The following WRAP73 variants were observed in gnomAD, a reference collection of about 807,000 sequenced individuals.
The protein encoded by WRAP73 is WD repeat containing, antisense to TP73.
In WRAP73, 55 loss-of-function variants were observed where a neutral mutation model predicts 59.6. The observed-to-expected ratio is 0.92, with a 90% CI of 0.74 to 1.15. The LOEUF (loss-of-function observed/expected upper bound fraction) is 1.15. WRAP73 is among the 50% of genes most tolerant of loss of function. The pLI is 0.00. For missense variants in WRAP73, 592 were observed against 608.1 expected (o/e 0.97, Z 0.28); for synonymous variants, 265 against 258.2 (o/e 1.03, Z -0.25).
chr1:3,635,703 C>T, intron 6 of WRAP73: 1 of 520,596 alleles, frequency 1.9e-6, no homozygotes, highest in East Asian at 3.4e-5. Context: ...TGCTTGTGGT[C>T]CCAGCTACTT....
chr1:3,645,460 T>C lies in WRAP73; in HGVS notation c.339+1206A>G, dbSNP rs12046332. Among the ~76,000 whole-genome samples the C allele has an allele frequency of 1.3e-3, 99 of 78,582 alleles. 2 individuals are homozygous for C. Among genetic ancestry groups the C allele is most frequent in the South Asian group, 0.012 (24 of 1,976 alleles). The allele number at this position is 78,582 out of a possible 152,430, so 51.6% of individuals were successfully genotyped here. Reference sequence around the variant, plus strand: ...GCGGGTTGCCCCGTGGTGTGCGCCGTGCAGCGGGACGGGCGGGTTGCCCCG... The same window carrying C: ...GCGGGTTGCCCCGTGGTGTGCGCCGCGCAGCGGGACGGGCGGGTTGCCCCG... On this transcript the variant is annotated intron_variant, in intron 3 of 11. Coordinates refer to ENST00000270708, the MANE Select transcript of WRAP73 (RefSeq NM_017818.4).
At chr1:3,634,860 G>A (rs1644574151) in intron 8 of WRAP73, 137 bp downstream of exon 8, 2 of 1,044,384 alleles carry the variant, frequency 1.9e-6, no homozygotes, top group African/African-American at 1.6e-5. Flanking sequence ...CGCGTGAAAT[G>A]TCACAGTAGC....
At chr1:3,647,678 T>A in intron 1 of WRAP73, 118 bp from the exon 2 acceptor site, 1 of 1,130,530 alleles carries the variant, frequency 8.8e-7, no homozygotes, top group Non-Finnish European at 1.2e-6. Flanking sequence ...AGAGGTTTCA[T>A]GTCTAGATCA....
intron 3 of WRAP73, among the ~76,000 whole-genome samples, chr1:3,642,109 C>A (rs1007809957): frequency 6.6e-6 from 1 of 152,186 alleles, no homozygotes; most frequent in Non-Finnish European, 1.5e-5. Flanking sequence ...CTGGCAGAGC[C>A]GGGCGCACTG....
rs191472869 is a variant in WRAP73, at chr1:3,644,416, G to C, written c.339+2250C>G. ...GACATGGGGTCGCGCCTTCAGAAGGGGACCTAGTGGCCCCGCTAATCCTCG... is the reference window on the plus strand; with the variant it reads ...GACATGGGGTCGCGCCTTCAGAAGGCGACCTAGTGGCCCCGCTAATCCTCG... On this transcript the variant is annotated intron_variant, in intron 3 of 11. Coordinates refer to ENST00000270708, the MANE Select transcript of WRAP73 (RefSeq NM_017818.4). 1.9e-4 allele frequency among the ~76,000 whole-genome samples: 22 copies of C among 113,256 alleles called. 4 individuals carry two copies. Among genetic ancestry groups the C allele is most frequent in the African/African-American group, 7.6e-4 (21 of 27,502 alleles). 74.3% of individuals were successfully genotyped at this position (113,256 alleles called of 152,430 possible). A position where few individuals can be genotyped will look rare whatever the true frequency, so the allele number is the denominator to read the frequency against.
rs1644722751 is a variant in WRAP73 at position 3,649,710 on chromosome 1, T to C, written c.69+221A>G. ...CTGCTTGGGGCACCTCCCCGGGCCC[T>C]CCACCTGTCTAGGGTATCTTCCTGG... is the stretch of plus-strand genomic sequence containing the variant. On this transcript the variant is annotated intron_variant, in intron 1 of 11. Coordinates refer to ENST00000270708, the MANE Select transcript of WRAP73 (RefSeq NM_017818.4). Among the ~76,000 whole-genome samples, 1 of 146,428 alleles carries C rather than the reference T, an allele frequency of 6.8e-6. No homozygotes were observed. The highest frequency in any genetic ancestry group is 1.5e-5 in the Non-Finnish European group (1 of 66,462).
At chr1:3,640,834 G>C (rs572787321) in intron 3 of WRAP73, among the ~76,000 whole-genome samples, 2 of 152,322 alleles carry the variant, frequency 1.3e-5, no homozygotes, top group African/African-American at 4.8e-5. Flanking sequence ...GCAGAGACCT[G>C]CCCTCCAGAG....
intron 4 of WRAP73, among the ~76,000 whole-genome samples, chr1:3,638,241 C>A (rs975140772): frequency 6.6e-6 from 1 of 152,244 alleles, no homozygotes; most frequent in African/African-American, 2.4e-5. Context: ...GGCCACCCTG[C>A]GCCGGCCCCC....
chr1:3,648,526 A>T (rs1644711955), intron 1 of WRAP73, among the ~76,000 whole-genome samples: 1 of 152,358 alleles, frequency 6.6e-6, no homozygotes, highest in Non-Finnish European at 1.5e-5. Flanking sequence ...GTTACAGTGA[A>T]TTCCTTATGA....
At chr1:3,647,669 G>C (rs1341703032) in intron 1 of WRAP73, 109 bp from the exon 2 acceptor site, 4 of 1,223,676 alleles carry the variant, frequency 3.3e-6, no homozygotes, top group Non-Finnish European at 4.5e-6. Flanking sequence ...TCTCCTGCCA[G>C]AGGTTTCATG....
At chr1:3,638,609 G>C (rs1570301178) in intron 4 of WRAP73, 141 bp downstream of exon 4, 1 of 795,480 alleles carries the variant, frequency 1.3e-6, no homozygotes, top group Non-Finnish European at 2.1e-6. Context: ...GGAGACCTAA[G>C]GTCTCCTTTA....
In WRAP73 at chr1:3,630,839, A is replaced by C. The variant is rs1644523689; in HGVS notation, c.*136T>G. The C allele has an allele frequency of 8.6e-7, 1 of 1,168,792 alleles. No individual in the cohort carries two copies. The highest frequency in any genetic ancestry group is 2.4e-5 in the East Asian group (1 of 41,730). 72.4% of individuals were successfully genotyped at this position (1,168,792 alleles called of 1,614,324 possible). On this transcript the variant is annotated 3_prime_UTR_variant, in exon 12 of 12. Transcript: ENST00000270708. ...TTTTATACCATACATATTTACAAAA[A>C]TGCTTTGCTATAGAAAAATAGAATC...
rs536150306 is a variant in WRAP73 at position 3,646,877 on chromosome 1, G to A, written c.223-95C>T. The A allele has an allele frequency of 3.0e-5, 31 of 1,017,588 alleles. No homozygotes were observed. The highest frequency in any genetic ancestry group is 6.7e-5 in the Admixed American group (3 of 44,996). The allele number at this position is 1,017,588 out of a possible 1,614,324, so 63.0% of individuals were successfully genotyped here. A position where few individuals can be genotyped will look rare whatever the true frequency, so the allele number is the denominator to read the frequency against. Reference sequence around the variant, plus strand: ...GCTTAAACGCAGCGGAGACCCGACCGCACAGGGTGTCTTCAAACTCATCAG... The same window carrying A: ...GCTTAAACGCAGCGGAGACCCGACCACACAGGGTGTCTTCAAACTCATCAG... On this transcript the variant is annotated intron_variant, in intron 2 of 11. Coordinates refer to ENST00000270708, the MANE Select transcript of WRAP73 (RefSeq NM_017818.4). The surrounding 1 kb of genome is among the most constrained non-coding windows in gnomAD (Gnocchi z 5.1).
Position 3,645,351 on chromosome 1 carries a change from CGGGATGGG to C in WRAP73, c.339+1307_339+1314del, listed in dbSNP as rs1451441274. ...CTGCAGTGTGGTGTGAGCGGCGCAG[CGGGATGGG>C]CGGGTTGCCCCGTGGTGTGCGTGGC... is the stretch of plus-strand genomic sequence containing the variant. On this transcript the variant is annotated intron_variant, in intron 3 of 11. Transcript: ENST00000270708. Among the ~76,000 whole-genome samples, 20 of 101,298 alleles carry C rather than the reference CGGGATGGG, an allele frequency of 2.0e-4. No homozygotes were observed. The East Asian group carries it at 6.7e-3, about 34-fold the overall frequency. 66.5% of individuals were successfully genotyped at this position (101,298 alleles called of 152,430 possible). A position where few individuals can be genotyped will look rare whatever the true frequency, so the allele number is the denominator to read the frequency against.
intron 9 of WRAP73, chr1:3,632,740 G>A (rs558659662): frequency 3.1e-4 from 91 of 290,086 alleles, no homozygotes; most frequent in South Asian, 2.7e-3. Flanking sequence ...TCCGGCTGTG[G>A]AAGAACCATC....
In WRAP73 at chr1:3,631,426, A is replaced by G. The variant is rs200662952; in HGVS notation, c.1240+40T>C. The G allele has an allele frequency of 2.9e-4, 458 of 1,553,352 alleles. 1 individual carries two copies. The East Asian group carries it at 5.8e-3, about 20-fold the overall frequency. Reference sequence around the variant, plus strand: ...GCCCGTGTGATGCCAGACTGCACACAGCAAGGCTGCCACGTCCGTGGCCTC... The same window carrying G: ...GCCCGTGTGATGCCAGACTGCACACGGCAAGGCTGCCACGTCCGTGGCCTC... On this transcript the variant is annotated intron_variant, in intron 11 of 11. Coordinates refer to ENST00000270708, the MANE Select transcript of WRAP73 (RefSeq NM_017818.4).
rs1177611613 is a variant in WRAP73, at chr1:3,649,971, G to C, written c.29C>G (p.Ser10Cys). 6.2e-7 allele frequency: 1 copy of C among 1,603,688 alleles called. No individual in the cohort carries two copies. Among genetic ancestry groups the C allele is most frequent in the Admixed American group, 1.7e-5 (1 of 59,152 alleles). MNFSEVFKL[S>C]SLLCKFSPDG... ...CGGGGAGAACTTGCAGAGTAAGCTG[G>C]AGAGCTTGAATACCTCGGAGAAGTT... The change falls in exon 1 of 12, where the codon TCC becomes TGC. Residue 10 changes from serine (S) to cysteine (C), a missense_variant. By Grantham distance (112) the Ser-to-Cys change is moderately radical (BLOSUM62 -1). Coordinates refer to ENST00000270708, the MANE Select transcript of WRAP73 (RefSeq NM_017818.4).
intron 1 of WRAP73, among the ~76,000 whole-genome samples, chr1:3,649,501 G>A (rs1644720423): frequency 6.6e-6 from 1 of 152,156 alleles, no homozygotes. Context: ...TGTGCAGTCG[G>A]CACTGCCGAT....
intron 3 of WRAP73, among the ~76,000 whole-genome samples, chr1:3,640,626 G>A (rs1173409124): frequency 6.9e-6 from 1 of 144,802 alleles, no homozygotes; most frequent in African/African-American, 2.5e-5. Context: ...GCAGGGCGGG[G>A]TGGAGCGCCC....
Sources: allele counts gnomAD v4.1 joint callset (sites outside exome capture counted in the v4.1 genomes callset), GRCh38; gene constraint gnomAD v4.1.1; non-coding constraint Gnocchi (gnomAD v3.1); transcripts MANE v1.5; gene names NCBI Gene and HGNC (gene_info 2026-07-23, HGNC 2026-07-21).